SULF1: variants seen among roughly 807,000 people sequenced by gnomAD.
SULF1 encodes extracellular sulfatase Sulf-1.
In SULF1, 46 loss-of-function variants were observed where a neutral mutation model predicts 110.5. The ratio of observed to expected loss-of-function variants is 0.42; its 90% confidence interval spans 0.33 to 0.53. The LOEUF (loss-of-function observed/expected upper bound fraction) is 0.53, where lower values mean the gene tolerates loss of function less well. Ranked by LOEUF, SULF1 falls within the 20% of genes least tolerant of loss-of-function variation. The pLI, the probability that SULF1 is intolerant of heterozygous loss-of-function variation, is 0.12. For missense variants in SULF1, 941 were observed against 1,094.2 expected (o/e 0.86, Z 1.98); for synonymous variants, 371 against 387.1 (o/e 0.96, Z 0.49).
At chr8:69,503,798 C>CT (rs370398017) in intron 3 of SULF1, among the ~76,000 whole-genome samples, 18 of 148,956 alleles carry the variant, frequency 1.2e-4, no homozygotes, top group Admixed American at 2.7e-4. Context: ...TCTTTCTTTC[C>CT]TTTTTTTTTT....
chr8:69,641,453 T>C (rs4738011), intron 22 of SULF1, among the ~76,000 whole-genome samples: 92,560 of 151,966 alleles, frequency 0.61, 28,835 homozygotes, highest in African/African-American at 0.74. Context: ...GGAGTCAAGA[T>C]ACTAGTAAAG....
At chr8:69,610,242 G>A (rs1808537354) in intron 13 of SULF1, among the ~76,000 whole-genome samples, 1 of 152,230 alleles carries the variant, frequency 6.6e-6, no homozygotes, top group Admixed American at 6.5e-5. Context: ...GAAATAGAAT[G>A]TAGTTTGTTG....
In SULF1 at chr8:69,638,902, C is replaced by A. The variant is rs373169468; in HGVS notation, c.2551+44C>A. 41 of 1,567,972 alleles carry A rather than the reference C, an allele frequency of 2.6e-5. No individual in the cohort carries two copies. In the African/African-American group the frequency reaches 3.7e-4, roughly 14 times the overall value. On this transcript the variant is annotated intron_variant, in intron 21 of 22. Transcript: ENST00000402687. ...TTTTTTCTATTTTACCTGGAAAATTCTTTGTGTTACTGAGCTTTCTGCCTT... is the reference window on the plus strand; with the variant it reads ...TTTTTTCTATTTTACCTGGAAAATTATTTGTGTTACTGAGCTTTCTGCCTT...
At chr8:69,593,942 A>G (rs1807094586) in intron 8 of SULF1, among the ~76,000 whole-genome samples, 1 of 152,202 alleles carries the variant, frequency 6.6e-6, no homozygotes, top group Non-Finnish European at 1.5e-5. Context: ...CGTGACAGGG[A>G]AGGAGATGCC....
Position 69,606,291 on chromosome 8 carries a change from T to A in SULF1, c.1377+1359T>A, listed in dbSNP as rs139575189. The stretch of plus-strand genomic sequence containing the variant: ...TAAGCCTTCACTACATTCTAGTACA[T>A]CTTAATTTTCAAGTGTTTAGTGGAG... On this transcript the variant is annotated intron_variant, in intron 13 of 22. Coordinates refer to ENST00000402687, the MANE Select transcript of SULF1 (RefSeq NM_001128205.2). Among the ~76,000 whole-genome samples the A allele has an allele frequency of 7.4e-3, 1,130 of 152,302 alleles. 9 individuals are homozygous for A. The highest frequency in any genetic ancestry group is 0.013 in the Non-Finnish European group (882 of 68,022).
intron 13 of SULF1, among the ~76,000 whole-genome samples, chr8:69,619,200 A>G (rs1001346320): frequency 2.6e-5 from 4 of 152,234 alleles, no homozygotes; most frequent in African/African-American, 7.2e-5. Flanking sequence ...CTCTTTAACT[A>G]GATATGAACA....
chr8:69,508,615 A>G (rs886636160), intron 3 of SULF1, among the ~76,000 whole-genome samples: 2 of 152,214 alleles, frequency 1.3e-5, no homozygotes, highest in Non-Finnish European at 2.9e-5. Context: ...ATTATTTACA[A>G]AGCAAATAAG....
At chr8:69,632,544 G>T (rs973112730) in intron 19 of SULF1, among the ~76,000 whole-genome samples, 58 of 151,922 alleles carry the variant, frequency 3.8e-4, no homozygotes, top group Admixed American at 3.8e-3. Context: ...CCTTGGCACA[G>T]TGAGACTCAA....
intron 19 of SULF1, among the ~76,000 whole-genome samples, chr8:69,633,621 G>C (rs1810756238): frequency 6.6e-6 from 1 of 151,832 alleles, no homozygotes; most frequent in African/African-American, 2.4e-5. Context: ...ACAGATATGA[G>C]CCACTGCACC....
chr8:69,593,616 C>T (rs1397794246), intron 8 of SULF1, among the ~76,000 whole-genome samples: 1 of 152,106 alleles, frequency 6.6e-6, no homozygotes, highest in East Asian at 1.9e-4. Flanking sequence ...GCTTTACAAA[C>T]GGATGGTAGA....
Position 69,575,978 on chromosome 8 carries a change from C to A in SULF1, c.181C>A (p.Gln61Lys), listed in dbSNP as rs199820581. The change falls in exon 6 of 23, where the codon CAA (glutamine) becomes AAA (lysine). Residue 61 changes from glutamine (Q) to lysine (K), a missense_variant. Transcript: ENST00000402687. ...DDQDVELGSL[Q>K]VMNKTRKIME... is the part of the protein sequence containing the mutation. ...GGCACTGTGCCTTTCAGGGTCCCTG[C>A]AAGTCATGAACAAAACGAGAAAGAT... The A allele has an allele frequency of 2.2e-4, 351 of 1,613,632 alleles. No homozygotes were observed. The highest frequency in any genetic ancestry group is 2.9e-4 in the Non-Finnish European group (338 of 1,179,818).
intron 15 of SULF1, 41 bp from the exon 16 acceptor site, chr8:69,627,169 G>C (rs368939728): frequency 6.8e-7 from 1 of 1,461,314 alleles, no homozygotes; most frequent in Non-Finnish European, 9.6e-7. Context: ...TCTGCTATTA[G>C]AATATAAACC....
At chr8:69,467,518 T>C (rs758750337) in intron 1 of SULF1, among the ~76,000 whole-genome samples, 12 of 152,194 alleles carry the variant, frequency 7.9e-5, no homozygotes, top group Non-Finnish European at 1.6e-4. Flanking sequence ...GAACAGCCAC[T>C]AGGTCGGCTT....
intron 7 of SULF1, among the ~76,000 whole-genome samples, 174 bp from the exon 8 acceptor site, chr8:69,588,798 G>C (rs952392003): frequency 1.3e-5 from 2 of 152,152 alleles, no homozygotes; most frequent in South Asian, 4.1e-4. Context: ...ACTGGCAGCT[G>C]ATTTTCTCTA....
intron 19 of SULF1, among the ~76,000 whole-genome samples, chr8:69,635,152 G>A (rs1305567281): frequency 6.6e-6 from 1 of 152,220 alleles, no homozygotes; most frequent in African/African-American, 2.4e-5. Context: ...CCTGGAGGGA[G>A]AGAGGGTTGA....
intron 1 of SULF1, among the ~76,000 whole-genome samples, chr8:69,468,141 T>C (rs1808934832): frequency 6.6e-6 from 1 of 152,204 alleles, no homozygotes; most frequent in South Asian, 2.1e-4. Context: ...CATATACCTG[T>C]GGTATGCAGA....
intron 3 of SULF1, among the ~76,000 whole-genome samples, chr8:69,514,017 T>G (rs1811751562): frequency 6.6e-6 from 1 of 152,208 alleles, no homozygotes; most frequent in Non-Finnish European, 1.5e-5. Context: ...GTAACCTTGG[T>G]CAAGTCACTT....
chr8:69,491,550 T>A (rs11784772), upstream of SULF1, among the ~76,000 whole-genome samples: 579 of 152,354 alleles, frequency 3.8e-3, 2 homozygotes, highest in Non-Finnish European at 6.2e-3. Context: ...TAAAGTAAGC[T>A]GACTTGAGTA....
intron 3 of SULF1, among the ~76,000 whole-genome samples, chr8:69,503,193 T>G (rs1030156922): frequency 8.5e-5 from 13 of 152,212 alleles, no homozygotes; most frequent in African/African-American, 2.9e-4. Context: ...TCTACAAGTA[T>G]TACGTGAAGA....
Sources: gnomAD v4.1 joint callset for allele counts (sites outside exome capture counted in the v4.1 genomes callset) on GRCh38, gnomAD v4.1.1 for gene constraint, MANE v1.5 for transcripts, NCBI Gene and HGNC (gene_info 2026-07-23, HGNC 2026-07-21) for gene names.